Variants in HMGXB3 observed in about 807,000 individuals in gnomAD.
HMGXB3 encodes the protein HMG domain-containing protein 3.
Under a neutral mutation model 121.5 loss-of-function variants are expected in HMGXB3, and 45 were observed. The observed-to-expected ratio is 0.37, with a 90% CI of 0.29 to 0.47. HMGXB3 has a LOEUF of 0.47. Ranked by LOEUF, HMGXB3 falls within the 20% of genes least tolerant of loss-of-function variation. The pLI is 0.99. For missense variants in HMGXB3, 1,376 were observed against 1,602.2 expected, an observed-to-expected ratio of 0.86 and a Z score of 2.41; for synonymous variants, 590 against 624.1, an observed-to-expected ratio of 0.95 and a Z score of 0.81.
intron 9 of HMGXB3, among the ~76,000 whole-genome samples, chr5:150,029,372 G>A (rs899518257): frequency 1.3e-5 from 2 of 148,570 alleles, no homozygotes; most frequent in Non-Finnish European, 3.0e-5. Flanking sequence ...ATGTGCTGAC[G>A]TTATAATGAG....
chr5:150,015,080 A>C (rs1318275275), intron 5 of HMGXB3: 3 of 401,930 alleles, frequency 7.5e-6, no homozygotes, highest in Non-Finnish European at 9.0e-6. Flanking sequence ...CCAAAGGGGG[A>C]CAGATATGGA....
At chr5:150,002,108 T>C (rs1430515259) in intron 1 of HMGXB3, among the ~76,000 whole-genome samples, 1 of 152,188 alleles carries the variant, frequency 6.6e-6, no homozygotes. Flanking sequence ...TTGTTTTTAA[T>C]AGGAAGAGGA....
At chr5:150,049,890 G>C (rs1258547545) in intron 18 of HMGXB3, among the ~76,000 whole-genome samples, 1 of 152,212 alleles carries the variant, frequency 6.6e-6, no homozygotes, top group South Asian at 2.1e-4. Context: ...TTTGACCTCG[G>C]GCCCAGGCAT....
In HMGXB3 at chr5:150,004,648, G is replaced by T. The variant is rs143489724; in HGVS notation, c.-2-203G>T. 1.9e-3 allele frequency among the ~76,000 whole-genome samples: 292 copies of T among 152,332 alleles called. 2 individuals are homozygous for T. Among genetic ancestry groups the T allele is most frequent in the African/African-American group, 6.7e-3 (279 of 41,578 alleles). ...CATGTGGATTTCCATACCCTCGGGA[G>T]ATTCTGCTCCAGGAGGGCTGAAGTG... On this transcript the variant is annotated intron_variant, in intron 1 of 19. Transcript: ENST00000502717.
chr5:150,035,304 G>T (rs2113752978), intron 11 of HMGXB3, among the ~76,000 whole-genome samples: 1 of 152,222 alleles, frequency 6.6e-6, no homozygotes, highest in Non-Finnish European at 1.5e-5. Context: ...AAGGCAAGGG[G>T]AGCCAGCATG....
At position 150,000,890 on chromosome 5, in the gene HMGXB3, C is replaced by T. The variant is rs1388070532; in HGVS notation, c.-292C>T. 1.3e-5 allele frequency: 2 copies of T among 154,792 alleles called. No individual in the cohort carries two copies. The highest frequency in any genetic ancestry group is 6.5e-5 in the Admixed American group (1 of 15,290). The allele number at this position is 154,792 out of a possible 1,614,324, so 9.6% of individuals were successfully genotyped here. A position where few individuals can be genotyped will look rare whatever the true frequency, so the allele number is the denominator to read the frequency against. ...GGAGCCTGCGGAGCGAACCTGTGCT[C>T]CTATTCTTGCCCTTCAGGACCCCAT... On this transcript the variant is annotated 5_prime_UTR_variant, in exon 1 of 20. Coordinates refer to ENST00000502717, the MANE Select transcript of HMGXB3 (RefSeq NM_014983.3).
At chr5:150,015,835 T>G (rs888994247) in intron 5 of HMGXB3, among the ~76,000 whole-genome samples, 4 of 152,248 alleles carry the variant, frequency 2.6e-5, no homozygotes, top group African/African-American at 4.8e-5. Context: ...CTGACCTTTT[T>G]GATTTATTTA....
chr5:150,046,373 A>G (rs1449726846), intron 16 of HMGXB3, among the ~76,000 whole-genome samples: 2 of 152,262 alleles, frequency 1.3e-5, no homozygotes, highest in Non-Finnish European at 2.9e-5. Context: ...GCAAGTGTGT[A>G]TAACTGAAAC....
chr5:150,002,827 G>A (rs1450439698), intron 1 of HMGXB3, among the ~76,000 whole-genome samples: 1 of 151,960 alleles, frequency 6.6e-6, no homozygotes, highest in Non-Finnish European at 1.5e-5. Flanking sequence ...CTAGCTCCTA[G>A]CATATGTTGC....
intron 10 of HMGXB3, 123 bp from the exon 11 acceptor site, chr5:150,032,331 T>A: frequency 1.2e-6 from 1 of 869,128 alleles, no homozygotes; most frequent in Non-Finnish European, 1.8e-6. Context: ...GAAGTTAGGC[T>A]GAATCTGGTT....
At chr5:150,007,650 C>G (rs1755731699) in intron 3 of HMGXB3, among the ~76,000 whole-genome samples, 1 of 152,184 alleles carries the variant, frequency 6.6e-6, no homozygotes, top group South Asian at 2.1e-4. Flanking sequence ...GCTCCCTCCT[C>G]TAGGTGATTT....
In HMGXB3 at chr5:150,024,252, A is replaced by T; in HGVS notation, c.1042-10A>T. On this transcript the variant is annotated splice_polypyrimidine_tract_variant and intron_variant, in intron 6 of 19. Transcript: ENST00000502717. Reference sequence around the variant, plus strand: ...TCCCTTATGTATACAAGGTATTCTTATTTTTCTAGGAAAAGCCAGCCAAAG... The same window carrying T: ...TCCCTTATGTATACAAGGTATTCTTTTTTTTCTAGGAAAAGCCAGCCAAAG... The T allele has an allele frequency of 6.6e-7, 1 of 1,512,836 alleles. No individual in the cohort carries two copies. The highest frequency in any genetic ancestry group is 8.8e-7 in the Non-Finnish European group (1 of 1,132,604). 93.7% of individuals were successfully genotyped at this position (1,512,836 alleles called of 1,614,324 possible).
At chr5:150,049,029 A>G (rs1373904461) in intron 18 of HMGXB3, among the ~76,000 whole-genome samples, 1 of 152,212 alleles carries the variant, frequency 6.6e-6, no homozygotes, top group African/African-American at 2.4e-5. Context: ...AAGAAATTAG[A>G]TAAGGGCCTA....
Position 150,027,123 on chromosome 5 carries a change from G to C in HMGXB3, c.1734+6G>C. ...CTGGCCCTGGTGAGGTGAAGGTAAG[G>C]CCCATTTTCCAGAGTGGGAGCTGTT... is the stretch of plus-strand genomic sequence containing the variant. On this transcript the variant is annotated splice_donor_region_variant and intron_variant, in intron 9 of 19. Transcript: ENST00000502717. 6.5e-7 allele frequency: 1 copy of C among 1,550,136 alleles called. No individual in the cohort carries two copies. The highest frequency in any genetic ancestry group is 8.7e-7 in the Non-Finnish European group (1 of 1,146,408).
chr5:150,041,525 A>G (rs1451214854), intron 14 of HMGXB3, among the ~76,000 whole-genome samples: 2 of 152,240 alleles, frequency 1.3e-5, no homozygotes, highest in African/African-American at 4.8e-5. Flanking sequence ...GAGATTAATG[A>G]CATAACATAT....
At chr5:150,003,592 T>A (rs1311180270) in intron 1 of HMGXB3, among the ~76,000 whole-genome samples, 2 of 150,932 alleles carry the variant, frequency 1.3e-5, no homozygotes, top group African/African-American at 4.8e-5. Flanking sequence ...TATTATTTTT[T>A]AAATTATATA....
chr5:150,024,153 C>T lies in HMGXB3; in HGVS notation c.1042-109C>T. 7 of 889,142 alleles carry T rather than the reference C, an allele frequency of 7.9e-6. 1 individual carries two copies. The South Asian group carries it at 1.4e-4, about 18-fold the overall frequency. The allele number at this position is 889,142 out of a possible 1,614,324, so 55.1% of individuals were successfully genotyped here. A position where few individuals can be genotyped will look rare whatever the true frequency, so the allele number is the denominator to read the frequency against. ...TAAGTTAACTTCTTCCTTTCATGGA[C>T]CTTAGTTTCCTTATTTATTGCCCAT... On this transcript the variant is annotated intron_variant, in intron 6 of 19. Coordinates refer to ENST00000502717, the MANE Select transcript of HMGXB3 (RefSeq NM_014983.3).
intron 18 of HMGXB3, among the ~76,000 whole-genome samples, 160 bp from the exon 19 acceptor site, chr5:150,050,092 G>A (rs576444767): frequency 2.0e-5 from 3 of 152,322 alleles, no homozygotes; most frequent in African/African-American, 4.8e-5. Context: ...AAGGACAGAA[G>A]TAGGAAGGGA....
At chr5:150,034,525 A>T (rs973650443) in intron 11 of HMGXB3, among the ~76,000 whole-genome samples, 1 of 152,146 alleles carries the variant, frequency 6.6e-6, no homozygotes. Context: ...CTCAGGTGAC[A>T]TAGGAAATTA....
Sources: allele counts gnomAD v4.1 joint callset (sites outside exome capture counted in the v4.1 genomes callset), GRCh38; gene constraint gnomAD v4.1.1; transcripts MANE v1.5; gene names NCBI Gene and HGNC (gene_info 2026-07-23, HGNC 2026-07-21).